INTS1: variants seen among roughly 807,000 people sequenced by gnomAD.
The protein encoded by INTS1 is integrator complex subunit 1.
INTS1 carries 137 observed loss-of-function variants against 241.6 expected under a neutral mutation model. The ratio of observed to expected loss-of-function variants is 0.57; its 90% CI spans 0.49 to 0.65. INTS1 has a LOEUF of 0.65. Ranked by LOEUF, INTS1 falls within the 30% of genes least tolerant of loss-of-function variation. The pLI is 0.00. For synonymous variants in INTS1, 1,692 were observed against 1,337.8 expected (o/e 1.26, Z -5.78); for missense variants, 3,073 against 3,032.2 (o/e 1.01, Z -0.32).
At chr7:1,502,131 C>T (rs865999378) in intron 3 of INTS1, among the ~76,000 whole-genome samples, 5 of 152,140 alleles carry the variant, frequency 3.3e-5, no homozygotes, top group African/African-American at 7.2e-5. Flanking sequence ...AGAGGTGGCG[C>T]GGCTTGAACA....
intron 31 of INTS1, 28 bp downstream of exon 31, chr7:1,479,402 C>G (rs1027497752): frequency 1.3e-6 from 2 of 1,553,186 alleles, no homozygotes; most frequent in South Asian, 2.4e-5. Context: ...CTGCCCTCCT[C>G]CCCCGCAAGA....
chr7:1,478,932 G>C, intron 31 of INTS1, 47 bp from the exon 32 acceptor site: 1 of 1,559,340 alleles, frequency 6.4e-7, no homozygotes, highest in Non-Finnish European at 8.7e-7. Context: ...AGGACACACG[G>C]GGACCCGGCA....
At position 1,497,140 on chromosome 7, in the gene INTS1, T is replaced by C. The variant is rs1028722950; in HGVS notation, c.1600A>G (p.Lys534Glu). The C allele has an allele frequency of 1.7e-5, 27 of 1,602,680 alleles. No individual in the cohort carries two copies. Among genetic ancestry groups the C allele is most frequent in the Non-Finnish European group, 2.2e-5 (26 of 1,176,154 alleles). The change falls in exon 11 of 48, where the codon AAG becomes GAG. Residue 534 changes from lysine to glutamate, a missense_variant and splice_region_variant. Physicochemically the swap from Lys to Glu is moderately conservative, Grantham distance 56. Transcript: ENST00000404767. The surrounding 1 kb of genome is among the most constrained non-coding windows in gnomAD (Gnocchi z 5.3). ...GCCCCAGCGGCGAGGGCTGGCACCT[T>C]GAACTCCATCTCCAGGTACTGCGGC... The part of the protein sequence containing the change: ...KEPQYLEMEF[K>E]ERFVVHITDV...
In INTS1 at chr7:1,483,723, G is replaced by A. The variant is rs781374660; in HGVS notation, c.3541+19C>T. 3.4e-5 allele frequency: 55 copies of A among 1,599,100 alleles called. No homozygotes were observed. Among genetic ancestry groups the A allele is most frequent in the Middle Eastern group, 3.3e-4 (2 of 6,054 alleles). On this transcript the variant is annotated intron_variant, in intron 26 of 47. Transcript: ENST00000404767. ...CACCTGGCACGAAGCTGCCCCTCCC[G>A]GGGCCTGTGGCGGCTCACCTCGAGG...
At position 1,496,188 on chromosome 7, in the gene INTS1, G is replaced by A; in HGVS notation, c.1679C>T (p.Ala560Val). 6.2e-7 allele frequency: 1 copy of A among 1,613,824 alleles called. No homozygotes were observed. ...MLGITAQVKE[A>V]GIAWDKGEKR... The stretch of plus-strand genomic sequence containing the variant: ...TTCTCCTTTGTCCCAGGCGATGCCG[G>A]CCTCCTTCACCTGCGCTGTGATGCC... Residue 560 changes from alanine to valine, a missense_variant, in exon 12 of 48, where the codon GCC becomes GTC. Coordinates refer to ENST00000404767, the MANE Select transcript of INTS1 (RefSeq NM_001080453.3).
intron 22 of INTS1, among the ~76,000 whole-genome samples, chr7:1,486,261 A>G (rs1346788929): frequency 7.0e-6 from 1 of 143,376 alleles, no homozygotes; most frequent in Admixed American, 6.9e-5. Flanking sequence ...TTTATTTTTC[A>G]TTTATTTATT....
In INTS1 at chr7:1,481,124, G is replaced by T. The variant is rs920455867; in HGVS notation, c.3851-191C>A. On this transcript the variant is annotated intron_variant, in intron 28 of 47. Transcript: ENST00000404767. This position sits in a 1 kb window ranked among gnomAD's most constrained non-coding sequence, Gnocchi z 6.8. ...CTCCAAGCTCAAAACACGGCCCTAG[G>T]GGGTGCCTGGCCCCAGGGTTGGGGC... is the stretch of plus-strand genomic sequence containing the variant. 2.8e-6 allele frequency: 2 copies of T among 706,436 alleles called. No homozygotes were observed. Among genetic ancestry groups the T allele is most frequent in the Admixed American group, 4.4e-5 (2 of 45,442 alleles). 43.8% of individuals were successfully genotyped at this position (706,436 alleles called of 1,614,324 possible). A position where few individuals can be genotyped will look rare whatever the true frequency, so the allele number is the denominator to read the frequency against.
Position 1,485,098 on chromosome 7 carries a change from C to G in INTS1, c.3261G>C (p.Leu1087=), listed in dbSNP as rs1443763434. 6.3e-7 allele frequency: 1 copy of G among 1,596,448 alleles called. No homozygotes were observed. Among genetic ancestry groups the G allele is most frequent in the South Asian group, 1.1e-5 (1 of 90,538 alleles). The change falls in exon 24 of 48, where the codon CTG becomes CTC. Residue 1087 remains leucine (L), a splice_region_variant and synonymous_variant. Coordinates refer to ENST00000404767, the MANE Select transcript of INTS1 (RefSeq NM_001080453.3). ...CTGCTGGCTGACCCTGCTGCCTCACCAGGGCCAGGTCGCTGTGCTGGGCCT... is the reference window on the plus strand; with the variant it reads ...CTGCTGGCTGACCCTGCTGCCTCACGAGGGCCAGGTCGCTGTGCTGGGCCT... ...EEQAQHSDLA[L]DVARLVVERS... is the part of the protein sequence containing the mutation.
rs1168207230 is a variant in INTS1, at chr7:1,499,482, G to A, written c.835C>T (p.Leu279=). ...QGEAGRVAGD[L]GAGSSPHPSL... ...TGGCCGTGTGTCTCACCTGCACCCAGGTCGCCCGCAACGCGGCCCGCCTCC... is the reference window on the plus strand; with the variant it reads ...TGGCCGTGTGTCTCACCTGCACCCAAGTCGCCCGCAACGCGGCCCGCCTCC... The change falls in exon 6 of 48, where the codon CTG becomes TTG. Residue 279 remains leucine (L), a synonymous_variant. Transcript: ENST00000404767. 1 of 1,478,918 alleles carries A rather than the reference G, an allele frequency of 6.8e-7. No homozygotes were observed. The highest frequency in any genetic ancestry group is 1.5e-5 in the African/African-American group (1 of 68,890). 91.6% of individuals were successfully genotyped at this position (1,478,918 alleles called of 1,614,324 possible).
Position 1,493,659 on chromosome 7 carries a change from G to C in INTS1, c.2068+95C>G, listed in dbSNP as rs1782700318. On this transcript the variant is annotated intron_variant, in intron 15 of 47. Coordinates refer to ENST00000404767, the MANE Select transcript of INTS1 (RefSeq NM_001080453.3). This position sits in a 1 kb window ranked among gnomAD's most constrained non-coding sequence, Gnocchi z 5.3. The stretch of plus-strand genomic sequence containing the variant: ...CAGGACCCAGCTGAAGCGCAGCTTT[G>C]TGGAGCGCCCCAGAGGTGCGTGCCA... The C allele has an allele frequency of 7.0e-7, 1 of 1,432,096 alleles. No homozygotes were observed. The highest frequency in any genetic ancestry group is 9.2e-7 in the Non-Finnish European group (1 of 1,083,730). The allele number at this position is 1,432,096 out of a possible 1,614,324, so 88.7% of individuals were successfully genotyped here.
rs569229100 is a variant in INTS1 at position 1,501,516 on chromosome 7, A to G, written c.350-1150T>C. Among the ~76,000 whole-genome samples, 68 of 152,242 alleles carry G rather than the reference A, an allele frequency of 4.5e-4. 2 individuals carry two copies. In the East Asian group the frequency reaches 7.2e-3, roughly 16 times the overall value. On this transcript the variant is annotated intron_variant, in intron 3 of 47. Coordinates refer to ENST00000404767, the MANE Select transcript of INTS1 (RefSeq NM_001080453.3). Reference sequence around the variant, plus strand: ...GCCATCTCTCTGTTTTGCTGAGAATAATACTATAAAGTGATCTACCACTCA... The same window carrying G: ...GCCATCTCTCTGTTTTGCTGAGAATGATACTATAAAGTGATCTACCACTCA...
At chr7:1,490,250 T>G in intron 16 of INTS1, among the ~76,000 whole-genome samples, 1 of 152,192 alleles carries the variant, frequency 6.6e-6, no homozygotes, top group East Asian at 1.9e-4. Context: ...AGTGCGGGAT[T>G]CCGAAGTGCG....
At chr7:1,484,317 G>A (rs1782144762) in intron 24 of INTS1, 147 bp from the exon 25 acceptor site, 1 of 824,362 alleles carries the variant, frequency 1.2e-6, no homozygotes, top group Non-Finnish European at 1.9e-6. Flanking sequence ...CAGGCCGCCA[G>A]GGAAGACGAC....
At chr7:1,483,879 C>T (rs1286177668) in intron 25 of INTS1, 26 bp from the exon 26 acceptor site, 1 of 1,600,846 alleles carries the variant, frequency 6.2e-7, no homozygotes, top group Non-Finnish European at 8.5e-7. Context: ...TGGAGTCAGG[C>T]CGTAAGGTTC....
At chr7:1,477,045 G>A (rs1486950311) in intron 35 of INTS1, 127 bp from the exon 36 acceptor site, 23 of 1,213,438 alleles carry the variant, frequency 1.9e-5, no homozygotes, top group Middle Eastern at 5.7e-4. Context: ...CGGTAACACC[G>A]GCCCCGTCAT....
chr7:1,480,549 G>A, intron 29 of INTS1, 108 bp from the exon 30 acceptor site: 2 of 1,288,938 alleles, frequency 1.6e-6, no homozygotes, highest in Middle Eastern at 2.2e-4. Flanking sequence ...TCACCCAGGA[G>A]GAAGAGCTCA....
Position 1,487,411 on chromosome 7 carries a change from T to C in INTS1, c.2555A>G (p.Gln852Arg). 1 of 1,612,092 alleles carries C rather than the reference T, an allele frequency of 6.2e-7. No homozygotes were observed. Among genetic ancestry groups the C allele is most frequent in the Non-Finnish European group, 8.5e-7 (1 of 1,179,498 alleles). ...PRRPPPHILD[Q>R]VKSLNQSLRL... ...GAGGGACTGGTTGAGGCTTTTCACT[T>C]GATCCAGGATGTGAGGGGGAGGCCT... The change falls in exon 20 of 48, where the codon CAA becomes CGA. Residue 852 changes from glutamine (Q) to arginine (R), a missense_variant. Gln to Arg is a conservative substitution (Grantham distance 43, BLOSUM62 1). Transcript: ENST00000404767.
intron 43 of INTS1, among the ~76,000 whole-genome samples, chr7:1,472,823 G>T (rs1026682933): frequency 7.2e-5 from 11 of 152,114 alleles, no homozygotes; most frequent in Admixed American, 2.0e-4. Flanking sequence ...CCAGGGACGG[G>T]GGGGTGGGGA....
intron 3 of INTS1, among the ~76,000 whole-genome samples, chr7:1,501,941 T>C (rs1318047144): frequency 6.6e-6 from 1 of 151,986 alleles, no homozygotes; most frequent in East Asian, 1.9e-4. Flanking sequence ...CCTGCCCCGG[T>C]TTCATCGCCT....
Sources: gnomAD v4.1 joint callset for allele counts (sites outside exome capture counted in the v4.1 genomes callset) on GRCh38, gnomAD v4.1.1 for gene constraint, Gnocchi (gnomAD v3.1) non-coding constraint, MANE v1.5 for transcripts, NCBI Gene and HGNC (gene_info 2026-07-23, HGNC 2026-07-21) for gene names.